The following LTF variants were observed in gnomAD, a reference collection of about 807,000 sequenced individuals.
LTF encodes lactotransferrin, also known as epididymis luminal protein 110.
Under a neutral mutation model 87.2 loss-of-function variants are expected in LTF, and 91 were observed. The ratio of observed to expected loss-of-function variants is 1.04; its 90% CI spans 0.88 to 1.24. The LOEUF (loss-of-function observed/expected upper bound fraction) is 1.24. Ranked by LOEUF, LTF falls within the 50% of genes most tolerant of loss-of-function variation. The pLI, the probability that LTF is intolerant of heterozygous loss-of-function variation, is 0.00. For synonymous variants in LTF, 378 were observed against 356.1 expected, an observed-to-expected ratio of 1.06 and a Z score of -0.69; for missense variants, 901 against 904.3, an observed-to-expected ratio of 1.00 and a Z score of 0.05.
In LTF at chr3:46,451,539, T is replaced by C. The variant is rs146836779; in HGVS notation, c.704-866A>G. On this transcript the variant is annotated intron_variant, in intron 6 of 16. Coordinates refer to ENST00000231751, the MANE Select transcript of LTF (RefSeq NM_002343.6). ...CGATTGTTTATGTGTTCAACATCTA[T>C]TTGTGTGTGGTTTTTTTTTCAGCCT... 2.7e-3 allele frequency among the ~76,000 whole-genome samples: 408 copies of C among 152,324 alleles called. 1 individual carries two copies. The highest frequency in any genetic ancestry group is 9.2e-3 in the African/African-American group (384 of 41,576).
chr3:46,463,470 C>T lies in LTF; in HGVS notation c.43+1355G>A, dbSNP rs955045609. On this transcript the variant is annotated intron_variant, in intron 1 of 16. Coordinates refer to ENST00000231751, the MANE Select transcript of LTF (RefSeq NM_002343.6). ...CAACTTCTGTCAGCCTGGACACCCACGGGGAGCAGGGCAGGAATTCCACAG... is the reference window on the plus strand; with the variant it reads ...CAACTTCTGTCAGCCTGGACACCCATGGGGAGCAGGGCAGGAATTCCACAG... The T allele has an allele frequency of 1.5e-5, 15 of 985,712 alleles. No individual in the cohort carries two copies. The South Asian group carries it at 4.2e-4, about 28-fold the overall frequency. 61.1% of individuals were successfully genotyped at this position (985,712 alleles called of 1,614,324 possible). A position where few individuals can be genotyped will look rare whatever the true frequency, so the allele number is the denominator to read the frequency against.
intron 1 of LTF, among the ~76,000 whole-genome samples, chr3:46,472,268 T>A (rs1029133709): frequency 6.6e-6 from 1 of 151,978 alleles, no homozygotes; most frequent in Non-Finnish European, 1.5e-5. Flanking sequence ...CAAGGCCATG[T>A]GGCAGGCAAG....
intron 6 of LTF, chr3:46,454,019 C>A (rs1702864147): frequency 2.4e-6 from 1 of 412,554 alleles, no homozygotes; most frequent in Non-Finnish European, 4.4e-6. Context: ...CACAAACCAG[C>A]ACAATCTGTT....
intron 1 of LTF, among the ~76,000 whole-genome samples, chr3:46,477,209 T>C (rs1703370570): frequency 6.6e-6 from 1 of 152,258 alleles, no homozygotes; most frequent in African/African-American, 2.4e-5. Context: ...TGGGAATGTC[T>C]TTTGTCCATT....
chr3:46,440,038 A>G (rs1702481056), intron 14 of LTF, among the ~76,000 whole-genome samples: 1 of 152,258 alleles, frequency 6.6e-6, no homozygotes, highest in Admixed American at 6.5e-5. Context: ...ATGACTGATA[A>G]TAGGTGCAAG....
chr3:46,476,561 A>G (rs911262858), intron 1 of LTF, among the ~76,000 whole-genome samples: 5 of 152,240 alleles, frequency 3.3e-5, no homozygotes, highest in African/African-American at 4.8e-5. Context: ...TGTAGCATAC[A>G]TATGCATATA....
rs747986613 is a variant in LTF, at chr3:46,449,879, G to A, written c.1032C>T (p.Phe344=). The change falls in exon 8 of 17, where the codon TTC becomes TTT. Residue 344 remains phenylalanine, a synonymous_variant. Transcript: ENST00000231751. ...TTTTCCTCAAGTTCTGGATGGCAGT[G>A]AAGTAGCCGGAGCCAAGGTACAGCC... The part of the protein sequence containing the change: ...DSGLYLGSGY[F]TAIQNLRKSE... 2 of 1,614,172 alleles carry A rather than the reference G, an allele frequency of 1.2e-6. No individual in the cohort carries two copies. The highest frequency in any genetic ancestry group is 3.3e-5 in the Admixed American group (2 of 60,022).
intron 3 of LTF, 119 bp downstream of exon 3, chr3:46,456,171 T>A (rs1702925348): frequency 1.0e-6 from 1 of 970,498 alleles, no homozygotes; most frequent in Non-Finnish European, 1.5e-6. Context: ...GCGACTCCAT[T>A]CCCTACATGT....
chr3:46,465,552 C>T (rs1703192481), upstream of LTF, among the ~76,000 whole-genome samples: 1 of 151,872 alleles, frequency 6.6e-6, no homozygotes, highest in Non-Finnish European at 1.5e-5. Flanking sequence ...GTTCCATGTT[C>T]TTATTTGCCA....
At chr3:46,442,226 T>G (rs3828477) in intron 13 of LTF, among the ~76,000 whole-genome samples, 39,820 of 151,820 alleles carry the variant, frequency 0.26, 5,639 homozygotes, top group East Asian at 0.59. Context: ...TGTGGTTGTG[T>G]GGTGGAAAAG....
intron 11 of LTF, among the ~76,000 whole-genome samples, chr3:46,446,008 C>T (rs2106849950): frequency 6.6e-6 from 1 of 152,336 alleles, no homozygotes; most frequent in South Asian, 2.1e-4. Flanking sequence ...ACTGAGCAAG[C>T]ACCAGCTCTG....
At chr3:46,446,372 T>C in intron 11 of LTF, 68 bp downstream of exon 11, 1 of 1,344,622 alleles carries the variant, frequency 7.4e-7, no homozygotes, top group Non-Finnish European at 1.1e-6. Flanking sequence ...TTTTTACAGT[T>C]CCTGCCACTT....
rs768689932 is a variant in LTF, at chr3:46,456,334, T to A, written c.272A>T (p.Tyr91Phe). The change falls in exon 3 of 17, where the codon TAC becomes TTC. Residue 91 changes from tyrosine (Y) to phenylalanine (F), a missense_variant. Tyr to Phe is a conservative substitution (Grantham distance 22). Coordinates refer to ENST00000231751, the MANE Select transcript of LTF (RefSeq NM_002343.6). ...TTCCGCCGCTACAGGTCGCAGTTTG[T>A]AGGGGGCCAGGCCTGCCTCGTATAT... ...GFIYEAGLAP[Y>F]KLRPVAAEVY... The A allele has an allele frequency of 1.2e-6, 2 of 1,614,128 alleles. No individual in the cohort carries two copies. The highest frequency in any genetic ancestry group is 1.7e-6 in the Non-Finnish European group (2 of 1,180,006).
At position 46,454,316 on chromosome 3, in the gene LTF, C is replaced by T. The variant is rs541350859; in HGVS notation, c.692G>A (p.Ser231Asn). 6.2e-7 allele frequency: 1 copy of T among 1,614,136 alleles called. No homozygotes were observed. Among genetic ancestry groups the T allele is most frequent in the Admixed American group, 1.7e-5 (1 of 60,026 alleles). ...TACCCTGCTCTTACCAAACACTGTGCTCTCTCTGATAAAAGCCACGTCTCC... is the reference window on the plus strand; with the variant it reads ...TACCCTGCTCTTACCAAACACTGTGTTCTCTCTGATAAAAGCCACGTCTCC... Reference protein sequence around the residue: ...GAGDVAFIRESTVFEDLSDEA... With the variant: ...GAGDVAFIRENTVFEDLSDEA... The change falls in exon 6 of 17, where the codon AGC becomes AAC. Residue 231 changes from serine (S) to asparagine (N), a missense_variant. Ser to Asn is a conservative substitution (Grantham distance 46, BLOSUM62 1). Coordinates refer to ENST00000231751, the MANE Select transcript of LTF (RefSeq NM_002343.6).
intron 2 of LTF, among the ~76,000 whole-genome samples, chr3:46,457,783 A>G (rs986559095): frequency 6.6e-6 from 1 of 151,772 alleles, no homozygotes; most frequent in Admixed American, 6.6e-5. Flanking sequence ...AATTTGGGTT[A>G]TTCTTTTATT....
intron 1 of LTF, among the ~76,000 whole-genome samples, chr3:46,479,555 G>GAGA (rs1703405678): frequency 1.3e-5 from 2 of 151,998 alleles, no homozygotes; most frequent in African/African-American, 4.8e-5. Flanking sequence ...ACAGAGTCTC[G>GAGA]CTCTGTCACC....
At chr3:46,479,508 CTGTT>C (rs56170464) in intron 1 of LTF, among the ~76,000 whole-genome samples, 61,271 of 150,412 alleles carry the variant, frequency 0.41, 14,542 homozygotes, top group Non-Finnish European at 0.53. Flanking sequence ...AGTGGCTTTT[CTGTT>C]TGTTTGTTTG....
intron 1 of LTF, among the ~76,000 whole-genome samples, 175 bp from the exon 2 acceptor site, chr3:46,459,994 T>C (rs900221023): frequency 6.6e-6 from 1 of 152,222 alleles, no homozygotes; most frequent in Admixed American, 6.5e-5. Flanking sequence ...GCTGGACTAA[T>C]AGGATCTCTG....
chr3:46,459,550 C>A (rs1262209819), intron 2 of LTF, 106 bp downstream of exon 2: 2 of 1,163,620 alleles, frequency 1.7e-6, no homozygotes, highest in East Asian at 2.9e-5. Context: ...CTTCGTTGCC[C>A]AACAGGTGAA....
Sources: gnomAD v4.1 joint callset for allele counts (sites outside exome capture counted in the v4.1 genomes callset) on GRCh38, gnomAD v4.1.1 for gene constraint, MANE v1.5 for transcripts, NCBI Gene and HGNC (gene_info 2026-07-23, HGNC 2026-07-21) for gene names.